HORMAD2: variants seen among roughly 807,000 people sequenced by gnomAD.
HORMAD2 encodes HORMA domain-containing protein 2.
Under a neutral mutation model 38.8 loss-of-function variants are expected in HORMAD2, and 45 were observed. The ratio of observed to expected loss-of-function variants is 1.16; its 90% CI spans 0.91 to 1.49. HORMAD2 has a LOEUF of 1.49. Ranked by LOEUF, HORMAD2 falls within the 40% of genes most tolerant of loss-of-function variation. The pLI, the probability that HORMAD2 is intolerant of heterozygous loss-of-function variation, is 0.00. For missense variants in HORMAD2, 338 were observed against 367.0 expected, an observed-to-expected ratio of 0.92 and a Z score of 0.65; for synonymous variants, 126 against 122.8, an observed-to-expected ratio of 1.03 and a Z score of -0.17.
At chr22:30,188,060 T>A in the HORMAD2 span, among the ~76,000 whole-genome samples, 35 of 152,036 alleles carry the variant, frequency 2.3e-4, no homozygotes, top group Non-Finnish European at 4.3e-4. Context: ...ATAAATATAA[T>A]AATATATCTT....
chr22:30,081,141 C>CAGT (rs1339159352), intron 1 of HORMAD2: 1 of 152,176 alleles, frequency 6.6e-6, no homozygotes, highest in African/African-American at 2.4e-5. Flanking sequence ...ACAGGCTGTG[C>CAGT]AGTACATCGT....
chr22:30,159,271 A>G (rs1202187873), intron 10 of HORMAD2, among the ~76,000 whole-genome samples: 1 of 152,194 alleles, frequency 6.6e-6, no homozygotes, highest in African/African-American at 2.4e-5. Flanking sequence ...GCCCAGCTAG[A>G]TTCGAACTAG....
At chr22:30,131,592 GTT>G (rs1923287573) in intron 10 of HORMAD2, among the ~76,000 whole-genome samples, 1 of 151,922 alleles carries the variant, frequency 6.6e-6, no homozygotes, top group Non-Finnish European at 1.5e-5. Flanking sequence ...AGAGAATACT[GTT>G]TTCTTATAAG....
the HORMAD2 span, among the ~76,000 whole-genome samples, chr22:30,203,903 C>T: frequency 6.6e-6 from 1 of 152,186 alleles, no homozygotes; most frequent in African/African-American, 2.4e-5. Flanking sequence ...CACGTTTACC[C>T]TCATACACAA....
At chr22:30,085,159 A>T (rs1478321300) in intron 1 of HORMAD2, among the ~76,000 whole-genome samples, 2 of 151,814 alleles carry the variant, frequency 1.3e-5, no homozygotes, top group African/African-American at 4.8e-5. Context: ...AAAAAAAAAA[A>T]TGAGCTAAAC....
At chr22:30,135,023 T>G (rs2009661273) in intron 10 of HORMAD2, among the ~76,000 whole-genome samples, 1 of 152,166 alleles carries the variant, frequency 6.6e-6, no homozygotes, top group African/African-American at 2.4e-5. Flanking sequence ...TTAAGTAGCA[T>G]GTCCAAGGTT....
At chr22:30,189,530 G>A in the HORMAD2 span, among the ~76,000 whole-genome samples, 1 of 152,054 alleles carries the variant, frequency 6.6e-6, no homozygotes, top group South Asian at 2.1e-4. Context: ...GGATGGGTGG[G>A]TAGTGACTAT....
rs527594061 is a variant in HORMAD2 at position 30,131,885 on chromosome 22, A to G, written c.819+9671A>G. 8.9e-4 allele frequency among the ~76,000 whole-genome samples: 135 copies of G among 152,324 alleles called. 1 individual carries two copies. The highest frequency in any genetic ancestry group is 8.6e-3 in the Admixed American group (131 of 15,302). Reference sequence around the variant, plus strand: ...TGTATTCTTTCCCTCCATGAAGCTCATTTCTTTTGTGCCAACACACTTAAT... The same window carrying G: ...TGTATTCTTTCCCTCCATGAAGCTCGTTTCTTTTGTGCCAACACACTTAAT... On this transcript the variant is annotated intron_variant, in intron 10 of 10. Coordinates refer to ENST00000336726, the MANE Select transcript of HORMAD2 (RefSeq NM_152510.4).
chr22:30,140,086 T>C (rs754702757), intron 10 of HORMAD2, among the ~76,000 whole-genome samples: 11 of 151,994 alleles, frequency 7.2e-5, no homozygotes, highest in Non-Finnish European at 1.5e-4. Context: ...GGTGTCAGGG[T>C]AACACTGGCT....
chr22:30,205,048 C>T, the HORMAD2 span, among the ~76,000 whole-genome samples: 1 of 152,176 alleles, frequency 6.6e-6, no homozygotes, highest in Non-Finnish European at 1.5e-5. Context: ...CGCTGCTGGG[C>T]CTCAGTTTCT....
chr22:30,141,485 ACTCAATTTGTAGTCTTTTATCC>A (rs1459842531), intron 10 of HORMAD2, among the ~76,000 whole-genome samples: 1 of 151,924 alleles, frequency 6.6e-6, no homozygotes, highest in Non-Finnish European at 1.5e-5. Context: ...TATACACTGT[ACTCAATTTGTAGTCTTTTATCC>A]CTCAAGCCCT....
At chr22:30,110,135 A>G (rs1165144799) in intron 5 of HORMAD2, among the ~76,000 whole-genome samples, 2 of 152,198 alleles carry the variant, frequency 1.3e-5, no homozygotes, top group Non-Finnish European at 2.9e-5. Context: ...TTTACATGGT[A>G]TTAAGTATTA....
chr22:30,108,306 A>G (rs1921358607), intron 5 of HORMAD2, among the ~76,000 whole-genome samples: 1 of 152,126 alleles, frequency 6.6e-6, no homozygotes, highest in Non-Finnish European at 1.5e-5. Context: ...AAAATTTTCC[A>G]CAGCTTTTAA....
At chr22:30,189,430 T>C in the HORMAD2 span, among the ~76,000 whole-genome samples, 1 of 152,068 alleles carries the variant, frequency 6.6e-6, no homozygotes, top group Admixed American at 6.6e-5. Context: ...TAATATGTTA[T>C]ATTAGAGCTC....
rs1459827819 is a variant in HORMAD2, at chr22:30,158,592, T to C, written c.820-17471T>C. On this transcript the variant is annotated intron_variant, in intron 10 of 10. Transcript: ENST00000336726. ...CCTTCCCCTTCCCCTTCTCCTTCCTTCCTTCCCTCCCTCCCTCCGTCCCTC... is the reference window on the plus strand; with the variant it reads ...CCTTCCCCTTCCCCTTCTCCTTCCTCCCTTCCCTCCCTCCCTCCGTCCCTC... Among the ~76,000 whole-genome samples the C allele has an allele frequency of 1.8e-4, 18 of 97,644 alleles. No homozygotes were observed. The Admixed American group carries it at 2.0e-3, about 11-fold the overall frequency. The allele number at this position is 97,644 out of a possible 152,430, so 64.1% of individuals were successfully genotyped here.
intron 5 of HORMAD2, among the ~76,000 whole-genome samples, chr22:30,110,120 T>C (rs746870992): frequency 2.6e-5 from 4 of 152,174 alleles, no homozygotes; most frequent in Non-Finnish European, 5.9e-5. Flanking sequence ...AGTATTTATA[T>C]AGCATTTACA....
intron 10 of HORMAD2, among the ~76,000 whole-genome samples, chr22:30,143,839 A>T (rs953170273): frequency 6.6e-6 from 1 of 152,048 alleles, no homozygotes; most frequent in Non-Finnish European, 1.5e-5. Context: ...CTGCCCTTGT[A>T]ATGGTGAGTT....
intron 1 of HORMAD2, among the ~76,000 whole-genome samples, chr22:30,092,986 C>T: frequency 6.6e-6 from 1 of 152,200 alleles, no homozygotes; most frequent in African/African-American, 2.4e-5. Context: ...TTTGTGGTTC[C>T]ATAGGAATTT....
chr22:30,204,026 T>C, the HORMAD2 span, among the ~76,000 whole-genome samples: 7 of 152,154 alleles, frequency 4.6e-5, no homozygotes, highest in Non-Finnish European at 1.0e-4. Flanking sequence ...CACACCTACA[T>C]ACCCCCCATG....
Sources: gnomAD v4.1 joint callset for allele counts (sites outside exome capture counted in the v4.1 genomes callset) on GRCh38, gnomAD v4.1.1 for gene constraint, MANE v1.5 for transcripts, NCBI Gene and HGNC (gene_info 2026-07-23, HGNC 2026-07-21) for gene names.